The following HIRIP3 variants were observed in gnomAD, a reference collection of about 807,000 sequenced individuals.
HIRIP3 encodes the protein HIRA-interacting protein 3.
HIRIP3 carries 40 observed loss-of-function variants against 50.3 expected under a neutral mutation model. That is an observed-to-expected ratio of 0.79 (90% CI 0.62 to 1.03). The LOEUF is 1.03. HIRIP3 is among the 50% of genes least tolerant of loss of function. HIRIP3 has a pLI of 0.00. For synonymous variants in HIRIP3, 318 were observed against 261.6 expected (o/e 1.22, Z -2.08); for missense variants, 765 against 705.4 (o/e 1.08, Z -0.96).
Position 29,994,531 on chromosome 16 carries a change from T to C in HIRIP3, c.614A>G (p.Gln205Arg). The stretch of plus-strand genomic sequence containing the variant: ...TCCCTCCACCTTCTTTGCTGTCCTC[T>C]GAACGGGTTCTGCCTCGCTCTCCTC... ...ESEESEAEPV[Q>R]RTAKKVEGNK... The change falls in exon 4 of 7, where the codon CAG becomes CGG. Residue 205 changes from glutamine to arginine, a missense_variant. Gln to Arg is a conservative substitution (Grantham distance 43). Coordinates refer to ENST00000279392, the MANE Select transcript of HIRIP3 (RefSeq NM_003609.5). The C allele has an allele frequency of 6.2e-7, 1 of 1,614,184 alleles. No individual in the cohort carries two copies. The highest frequency in any genetic ancestry group is 8.5e-7 in the Non-Finnish European group (1 of 1,180,036).
chr16:29,995,756 T>C (rs2070084866), upstream of HIRIP3: 3 of 903,286 alleles, frequency 3.3e-6, no homozygotes, highest in Non-Finnish European at 5.1e-6. Flanking sequence ...GCCGAGAACT[T>C]TGCCAGACGA....
Position 29,995,197 on chromosome 16 carries a change from C to T in HIRIP3, c.207G>A (p.Arg69=). 3 of 1,614,252 alleles carry T rather than the reference C, an allele frequency of 1.9e-6. No homozygotes were observed. The highest frequency in any genetic ancestry group is 2.5e-6 in the Non-Finnish European group (3 of 1,180,042). The part of the protein sequence containing the change: ...LKMQVDEAAS[R]EDKLDLTKKG... The stretch of plus-strand genomic sequence containing the variant: ...TCTTGGTAAGGTCCAGTTTGTCTTC[C>T]CTGGAAGCGGCTTCATCCACCTGTG... The change falls in exon 3 of 7, where the codon AGG becomes AGA. Residue 69 remains arginine (R), a synonymous_variant. Coordinates refer to ENST00000279392, the MANE Select transcript of HIRIP3 (RefSeq NM_003609.5).
rs1052011587 is a variant in HIRIP3, at chr16:29,993,451, C to G, written c.1507+8G>C. On this transcript the variant is annotated splice_region_variant and intron_variant, in intron 6 of 6. Transcript: ENST00000279392. Reference sequence around the variant, plus strand: ...TCTGCTCCTGGGCAGTGAGAGGAAACCCCTTACCCGAGCCACTGATGATGT... The same window carrying G: ...TCTGCTCCTGGGCAGTGAGAGGAAAGCCCTTACCCGAGCCACTGATGATGT... 5 of 1,610,280 alleles carry G rather than the reference C, an allele frequency of 3.1e-6. No individual in the cohort carries two copies. The highest frequency in any genetic ancestry group is 1.3e-5 in the African/African-American group (1 of 74,824).
rs944484330 is a variant in HIRIP3 at position 29,994,905 on chromosome 16, C to T, written c.302-62G>A. 4.6e-6 allele frequency: 7 copies of T among 1,531,420 alleles called. No individual in the cohort carries two copies. In the African/African-American group the frequency reaches 6.9e-5, roughly 15 times the overall value. 94.9% of individuals were successfully genotyped at this position (1,531,420 alleles called of 1,614,324 possible). A position where few individuals can be genotyped will look rare whatever the true frequency, so the allele number is the denominator to read the frequency against. ...CCTCCTGTCCCTTCTCCCTTCACTT[C>T]GGATAGGTTGCCTCGAGCCCTGCCC... On this transcript the variant is annotated intron_variant, in intron 3 of 6. Transcript: ENST00000279392.
In HIRIP3 at chr16:29,995,181, G is replaced by A. The variant is rs778560492; in HGVS notation, c.223C>T (p.Leu75Phe). Residue 75 changes from leucine to phenylalanine, a missense_variant, in exon 3 of 7, where the codon CTT becomes TTT. Transcript: ENST00000279392. ...GGAGGCCTCTTGCCCTTCTTGGTAA[G>A]GTCCAGTTTGTCTTCCCTGGAAGCG... ...EAASREDKLD[L>F]TKKGKRPPTP... 62 of 1,614,136 alleles carry A rather than the reference G, an allele frequency of 3.8e-5. No homozygotes were observed. The East Asian group carries it at 1.4e-3, about 36-fold the overall frequency.
rs774189583 is a variant in HIRIP3, at chr16:29,994,523, C to A, written c.622G>T (p.Ala208Ser). ...ESEAEPVQRT[A>S]KKVEGNKGTK... is the part of the protein sequence containing the mutation. ...CCTTTATTTCCCTCCACCTTCTTTG[C>A]TGTCCTCTGAACGGGTTCTGCCTCG... The change falls in exon 4 of 7, where the codon GCA becomes TCA. Residue 208 changes from alanine (A) to serine (S), a missense_variant. By Grantham distance (99) the Ala-to-Ser change is moderately conservative (BLOSUM62 1). Transcript: ENST00000279392. 1 of 1,614,208 alleles carries A rather than the reference C, an allele frequency of 6.2e-7. No individual in the cohort carries two copies. The highest frequency in any genetic ancestry group is 2.2e-5 in the East Asian group (1 of 44,880).
Position 29,993,883 on chromosome 16 carries a change from C to T in HIRIP3, c.1239+23G>A, listed in dbSNP as rs1344091701. The T allele has an allele frequency of 2.5e-6, 4 of 1,588,976 alleles. No homozygotes were observed. The African/African-American group carries it at 5.4e-5, about 21-fold the overall frequency. ...GGTCTCCCTCTTCCCTAATAGTGGCCTCCCACCCCTCCTCACCCTCACCTT... is the reference window on the plus strand; with the variant it reads ...GGTCTCCCTCTTCCCTAATAGTGGCTTCCCACCCCTCCTCACCCTCACCTT... On this transcript the variant is annotated intron_variant, in intron 4 of 6. Transcript: ENST00000279392.
intron 3 of HIRIP3, 80 bp downstream of exon 3, chr16:29,995,023 G>T (rs62057683): frequency 6.6e-7 from 1 of 1,507,754 alleles, no homozygotes; most frequent in Non-Finnish European, 9.2e-7. Context: ...AACGCCTGGG[G>T]ACATAAGAGA....
At position 29,993,818 on chromosome 16, in the gene HIRIP3, A is replaced by G. The variant is rs764537854; in HGVS notation, c.1240-10T>C. ...GGCGACCTGAGCCAGCCTAGCAAGG[A>G]AAGAGCAGCTGAAGGCCAAGCCTGC... On this transcript the variant is annotated splice_polypyrimidine_tract_variant and intron_variant, in intron 4 of 6. Coordinates refer to ENST00000279392, the MANE Select transcript of HIRIP3 (RefSeq NM_003609.5). 1 of 1,613,780 alleles carries G rather than the reference A, an allele frequency of 6.2e-7. No homozygotes were observed. The highest frequency in any genetic ancestry group is 8.5e-7 in the Non-Finnish European group (1 of 1,179,936).
At chr16:29,995,511 T>G in intron 1 of HIRIP3, 30 bp downstream of exon 1, 2 of 1,613,676 alleles carry the variant, frequency 1.2e-6, no homozygotes, top group Non-Finnish European at 1.7e-6. Context: ...CCCGCGCCCT[T>G]TCCAACCCCA....
upstream of HIRIP3, chr16:29,996,042 G>A (rs138833603): frequency 2.4e-4 from 144 of 591,920 alleles, no homozygotes; most frequent in African/African-American, 2.6e-3. Flanking sequence ...ATTAGAGTCA[G>A]GAACGGCGCT....
chr16:29,995,529 C>T lies in HIRIP3; in HGVS notation c.65+12G>A, dbSNP rs1211146354. ...GCGCCCTTTCCAACCCCATCTCCAA[C>T]CCCCTGGGCACCTGAGGTCCGGGCG... On this transcript the variant is annotated intron_variant, in intron 1 of 6. Coordinates refer to ENST00000279392, the MANE Select transcript of HIRIP3 (RefSeq NM_003609.5). The T allele has an allele frequency of 1.2e-6, 2 of 1,613,540 alleles. No homozygotes were observed. Among genetic ancestry groups the T allele is most frequent in the South Asian group, 1.1e-5 (1 of 91,064 alleles).
Position 29,995,612 on chromosome 16 carries a change from C to G in HIRIP3, c.-7G>C. On this transcript the variant is annotated 5_prime_UTR_variant, in exon 1 of 7. Transcript: ENST00000279392. Reference sequence around the variant, plus strand: ...TCTCCTTCTCCCGCGCCATTTTGCTCAACCCGGGATTGACGGCTCCCGCCT... The same window carrying G: ...TCTCCTTCTCCCGCGCCATTTTGCTGAACCCGGGATTGACGGCTCCCGCCT... The G allele has an allele frequency of 6.2e-7, 1 of 1,612,122 alleles. No individual in the cohort carries two copies. Among genetic ancestry groups the G allele is most frequent in the South Asian group, 1.1e-5 (1 of 90,986 alleles).
upstream of HIRIP3, chr16:29,995,996 G>T (rs990069600): frequency 7.0e-6 from 4 of 568,990 alleles, no homozygotes; most frequent in Admixed American, 1.2e-4. Flanking sequence ...GGAACCTCGG[G>T]GATAAATCCT....
Position 29,994,788 on chromosome 16 carries a change from C to G in HIRIP3, c.357G>C (p.Gly119=). 1.2e-6 allele frequency: 2 copies of G among 1,614,054 alleles called. No homozygotes were observed. The highest frequency in any genetic ancestry group is 1.7e-6 in the Non-Finnish European group (2 of 1,179,970). ...TGGCTGGGCTGACTTCTGCTGCCAC[C>G]CCATTCTTTGCTGGGGGTCCAAAGT... ...PDYFGPPAKN[G]VAAEVSPAKE... is the part of the protein sequence containing the mutation. The change falls in exon 4 of 7, where the codon GGG becomes GGC. Residue 119 remains glycine, a synonymous_variant. Coordinates refer to ENST00000279392, the MANE Select transcript of HIRIP3 (RefSeq NM_003609.5).
In HIRIP3 at chr16:29,994,061, C is replaced by G. The variant is rs150203509; in HGVS notation, c.1084G>C (p.Glu362Gln). Residue 362 changes from glutamate (E) to glutamine (Q), a missense_variant, in exon 4 of 7, where the codon GAA (glutamate) becomes CAA (glutamine). By Grantham distance (29) the Glu-to-Gln change is conservative (BLOSUM62 2). Transcript: ENST00000279392. ...CTTACCTCCCTCTCCAAGTCACTTT[C>G]CTCACCACTGGTGCTGCCCAGTCTG... ...MARLGSTSGE[E>Q]SDLEREVSDS... is the part of the protein sequence containing the mutation. The G allele has an allele frequency of 5.6e-6, 9 of 1,612,584 alleles. No homozygotes were observed. In the African/African-American group the frequency reaches 1.2e-4, roughly 22 times the overall value.
rs150516394 is a variant in HIRIP3 at position 29,994,541 on chromosome 16, C to G, written c.604G>C (p.Glu202Gln). ...TTCTTTGCTGTCCTCTGAACGGGTT[C>G]TGCCTCGCTCTCCTCACTTTCTTCC... ...AREESEESEA[E>Q]PVQRTAKKVE... The change falls in exon 4 of 7, where the codon GAA becomes CAA. Residue 202 changes from glutamate to glutamine, a missense_variant. Physicochemically the swap from Glu to Gln is conservative, Grantham distance 29. Coordinates refer to ENST00000279392, the MANE Select transcript of HIRIP3 (RefSeq NM_003609.5). 1.2e-6 allele frequency: 2 copies of G among 1,614,142 alleles called. No homozygotes were observed. The highest frequency in any genetic ancestry group is 1.3e-5 in the African/African-American group (1 of 75,026).
chr16:29,995,315 C>A, intron 2 of HIRIP3, 28 bp downstream of exon 2: 1 of 1,609,284 alleles, frequency 6.2e-7, no homozygotes, highest in Non-Finnish European at 8.5e-7. Flanking sequence ...CCTCCGCCTC[C>A]CGCGGCCCAG....
rs1264855335 is a variant in HIRIP3, at chr16:29,994,763, T to C, written c.382A>G (p.Lys128Glu). ...GAGGCTCGCCTTGGATTCTCCTCTT[T>C]GGCTGGGCTGACTTCTGCTGCCACC... ...NGVAAEVSPA[K>E]EENPRRASKA... Residue 128 changes from lysine (K) to glutamate (E), a missense_variant, in exon 4 of 7, where the codon AAA becomes GAA. By Grantham distance (56) the Lys-to-Glu change is moderately conservative (BLOSUM62 1). Transcript: ENST00000279392. 4 of 1,614,084 alleles carry C rather than the reference T, an allele frequency of 2.5e-6. No homozygotes were observed. Among genetic ancestry groups the C allele is most frequent in the East Asian group, 2.2e-5 (1 of 44,896 alleles).
Sources: gnomAD v4.1 joint callset for allele counts on GRCh38, gnomAD v4.1.1 for gene constraint, MANE v1.5 for transcripts, NCBI Gene and HGNC (gene_info 2026-07-23, HGNC 2026-07-21) for gene names.